Variants in NAV1 observed in about 807,000 individuals in gnomAD.
NAV1 encodes pore membrane and/or filament interacting like protein 3.
In NAV1, 18 loss-of-function variants were observed where a neutral mutation model predicts 175.2. The ratio of observed to expected loss-of-function variants is 0.10; its 90% CI spans 0.07 to 0.15. NAV1 has a LOEUF of 0.15. NAV1 is among the 10% of genes least tolerant of loss of function. The pLI, the probability that NAV1 is intolerant of heterozygous loss-of-function variation, is 1.00. For synonymous variants in NAV1, 897 were observed against 978.7 expected, an observed-to-expected ratio of 0.92 and a Z score of 1.56; for missense variants, 1,731 against 2,436.6, an observed-to-expected ratio of 0.71 and a Z score of 6.10.
intron 1 of NAV1, among the ~76,000 whole-genome samples, chr1:201,703,766 G>A (rs1225999571): frequency 6.6e-6 from 1 of 152,228 alleles, no homozygotes; most frequent in African/African-American, 2.4e-5. Context: ...CCATCCGCGT[G>A]GGGCTGCCCT....
chr1:201,811,803 G>A, intron 25 of NAV1, 46 bp downstream of exon 29: 3 of 1,607,182 alleles, frequency 1.9e-6, no homozygotes, highest in Non-Finnish European at 2.6e-6. Flanking sequence ...GTGGGAGGAG[G>A]GAGAACCCAG....
chr1:201,704,374 A>T (rs1486715205), intron 1 of NAV1, among the ~76,000 whole-genome samples: 1 of 152,214 alleles, frequency 6.6e-6, no homozygotes, highest in African/African-American at 2.4e-5. Flanking sequence ...AGGACCGGCA[A>T]CGCCCCCTTG....
intron 1 of NAV1, among the ~76,000 whole-genome samples, chr1:201,698,574 G>A (rs1475060776): frequency 6.6e-6 from 1 of 152,232 alleles, no homozygotes; most frequent in African/African-American, 2.4e-5. Flanking sequence ...CTACATAGAA[G>A]ACTGCAAAGG....
chr1:201,704,462 A>T (rs1477208350), intron 1 of NAV1, among the ~76,000 whole-genome samples: 1 of 152,216 alleles, frequency 6.6e-6, no homozygotes, highest in Non-Finnish European at 1.5e-5. Context: ...TGCAAGGCTG[A>T]GGTGGCTAGG....
intron 1 of NAV1, among the ~76,000 whole-genome samples, chr1:201,573,433 G>A (rs1666605202): frequency 6.6e-6 from 1 of 152,296 alleles, no homozygotes; most frequent in East Asian, 1.9e-4. Context: ...TTGAAGTGGA[G>A]CCATGTGACC....
intron 3 of NAV1, among the ~76,000 whole-genome samples, chr1:201,768,661 G>T (rs1472333243): frequency 8.1e-6 from 1 of 122,740 alleles, no homozygotes. Context: ...AAAAAAAAAA[G>T]AGTTTAGAAT....
At chr1:201,615,821 C>T (rs1412430846) in intron 2 of NAV1, among the ~76,000 whole-genome samples, 1 of 152,138 alleles carries the variant, frequency 6.6e-6, no homozygotes, top group African/African-American at 2.4e-5. Context: ...CTACCCTTTC[C>T]ACTGTGAGCA....
Position 201,782,927 on chromosome 1 carries a change from C to G in NAV1, c.2357+58C>G. On this transcript the variant is annotated intron_variant, in intron 6 of 29. Coordinates refer to ENST00000367296, the Ensembl canonical transcript of NAV1. This position sits in a 1 kb window ranked among gnomAD's most constrained non-coding sequence, Gnocchi z 5.4. ...TTTGCTTTGTCATTCTTTCGCATAT[C>G]TCTGCCCTCCTTGGACTAGATGAGG... 6.9e-7 allele frequency: 1 copy of G among 1,442,236 alleles called. No homozygotes were observed. Among genetic ancestry groups the G allele is most frequent in the East Asian group, 2.3e-5 (1 of 43,014 alleles). The allele number at this position is 1,442,236 out of a possible 1,614,324, so 89.3% of individuals were successfully genotyped here. A position where few individuals can be genotyped will look rare whatever the true frequency, so the allele number is the denominator to read the frequency against.
At chr1:201,642,641 T>C (rs768645451) in intron 2 of NAV1, among the ~76,000 whole-genome samples, 52 of 146,322 alleles carry the variant, frequency 3.6e-4, no homozygotes, top group African/African-American at 1.3e-3. Flanking sequence ...CTTCCTTCCT[T>C]CCTCCCTCGC....
chr1:201,554,436 G>A (rs1236011392), intron 1 of NAV1, among the ~76,000 whole-genome samples: 1 of 152,180 alleles, frequency 6.6e-6, no homozygotes, highest in African/African-American at 2.4e-5. Flanking sequence ...AAGAGGTGTG[G>A]GACCAACTAA....
intron 1 of NAV1, among the ~76,000 whole-genome samples, chr1:201,574,202 T>C (rs1666628272): frequency 6.6e-6 from 1 of 152,040 alleles, no homozygotes; most frequent in Non-Finnish European, 1.5e-5. Flanking sequence ...ACTCACCATG[T>C]AGTAAGGGAG....
chr1:201,539,879 G>T lies in NAV1; in HGVS notation c.-144+537G>T, dbSNP rs569702107. On this transcript the variant is annotated intron_variant, in intron 1 of 33. Coordinates refer to the NAV1 transcript ENST00000685211. The surrounding 1 kb of genome is among the most constrained non-coding windows in gnomAD (Gnocchi z 5.6). ...AACGTTCCCCGCACCCCCGGGATGC[G>T]CCGGGAAGCGCCCTCCCGCCAATCT... Among the ~76,000 whole-genome samples the T allele has an allele frequency of 3.3e-5, 5 of 152,304 alleles. No homozygotes were observed. The South Asian group carries it at 6.2e-4, about 19-fold the overall frequency.
intron 2 of NAV1, among the ~76,000 whole-genome samples, chr1:201,643,022 C>T (rs1668849972): frequency 6.6e-6 from 1 of 151,970 alleles, no homozygotes; most frequent in Admixed American, 6.5e-5. Flanking sequence ...GATCCGTCCG[C>T]CTTGGCCTCC....
In NAV1 at chr1:201,628,423, G is replaced by C. The variant is rs954751578; in HGVS notation, c.-100-981G>C. Among the ~76,000 whole-genome samples, 3 of 152,052 alleles carry C rather than the reference G, an allele frequency of 2.0e-5. 1 individual carries two copies. The highest frequency in any genetic ancestry group is 4.1e-4 in the South Asian group (2 of 4,828). On this transcript the variant is annotated intron_variant, in intron 1 of 29. Transcript: ENST00000367302. Reference sequence around the variant, plus strand: ...CACCCCATGATGGAAGCCGGACCCAGAGAGGAGAAGAGATCTACTCCAGGT... The same window carrying C: ...CACCCCATGATGGAAGCCGGACCCACAGAGGAGAAGAGATCTACTCCAGGT...
intron 2 of NAV1, among the ~76,000 whole-genome samples, chr1:201,599,891 A>C (rs1244353869): frequency 2.0e-5 from 3 of 152,198 alleles, no homozygotes; most frequent in Non-Finnish European, 2.9e-5. Context: ...AATTCTGCTG[A>C]GATACAATCT....
intron 3 of NAV1, among the ~76,000 whole-genome samples, chr1:201,775,085 A>G (rs946632282): frequency 1.3e-5 from 2 of 152,198 alleles, no homozygotes; most frequent in Non-Finnish European, 2.9e-5. Context: ...GAAAATTTAT[A>G]GAAAAAACAC....
intron 1 of NAV1, among the ~76,000 whole-genome samples, chr1:201,568,352 G>T (rs1045004504): frequency 2.6e-5 from 4 of 152,176 alleles, no homozygotes. Flanking sequence ...AACACCCAAA[G>T]CCTATTTGTT....
chr1:201,586,955 A>G (rs1268530639), intron 1 of NAV1, among the ~76,000 whole-genome samples: 1 of 152,216 alleles, frequency 6.6e-6, no homozygotes, highest in African/African-American at 2.4e-5. Flanking sequence ...TCACGCCTGT[A>G]ACCCCAGCAC....
chr1:201,691,579 A>C (rs532892369), intron 1 of NAV1, among the ~76,000 whole-genome samples: 1 of 152,252 alleles, frequency 6.6e-6, no homozygotes, highest in Non-Finnish European at 1.5e-5. Context: ...GACTAGCATC[A>C]GCAAAAGCTC....
Sources: allele counts gnomAD v4.1 joint callset (sites outside exome capture counted in the v4.1 genomes callset), GRCh38; gene constraint gnomAD v4.1.1; non-coding constraint Gnocchi (gnomAD v3.1); transcripts MANE v1.5; gene names NCBI Gene and HGNC (gene_info 2026-07-23, HGNC 2026-07-21).